The following EP400 variants were observed in gnomAD, a reference collection of about 807,000 sequenced individuals.
EP400 encodes the protein E1A binding protein p400.
EP400 carries 105 observed loss-of-function variants against 354.1 expected under a neutral mutation model. The observed-to-expected ratio is 0.30, with a 90% CI of 0.25 to 0.35. The LOEUF (loss-of-function observed/expected upper bound fraction) is 0.35, where lower values mean the gene tolerates loss of function less well. EP400 is among the 10% of genes least tolerant of loss of function. The probability of loss-of-function intolerance (pLI) is 1.00; values close to 1 mark genes in which losing one functional copy is unlikely to be tolerated. For missense variants in EP400, 3,280 were observed against 4,121.0 expected (o/e 0.80, Z 5.59); for synonymous variants, 1,646 against 1,716.9 (o/e 0.96, Z 1.02).
intron 10 of EP400, 141 bp from the exon 11 acceptor site, chr12:131,992,032 C>G: frequency 3.7e-6 from 3 of 817,390 alleles, no homozygotes; most frequent in Non-Finnish European, 6.2e-6. Context: ...CTGCCCTGCC[C>G]CGACCCCAAA....
At chr12:132,044,118 C>G (rs1172178964) in intron 34 of EP400, 59 bp from the exon 35 acceptor site, 2 of 1,594,410 alleles carry the variant, frequency 1.3e-6, no homozygotes, top group Non-Finnish European at 1.7e-6. Flanking sequence ...AGCAGGGACT[C>G]GGGGGCTGCT....
Position 132,013,441 on chromosome 12 carries a change from C to A in EP400, c.3612-49C>A, listed in dbSNP as rs1269035813. 6.6e-7 allele frequency: 1 copy of A among 1,517,654 alleles called. No individual in the cohort carries two copies. The allele number at this position is 1,517,654 out of a possible 1,614,324, so 94.0% of individuals were successfully genotyped here. A position where few individuals can be genotyped will look rare whatever the true frequency, so the allele number is the denominator to read the frequency against. On this transcript the variant is annotated intron_variant, in intron 17 of 52. Transcript: ENST00000389561. The surrounding 1 kb of genome is among the most constrained non-coding windows in gnomAD (Gnocchi z 4.5). Reference sequence around the variant, plus strand: ...TTGTCAGAGAAGATGCTGCTGCAGCCAGCCCCGTGGCTGTAGAACTCCAGT... The same window carrying A: ...TTGTCAGAGAAGATGCTGCTGCAGCAAGCCCCGTGGCTGTAGAACTCCAGT...
chr12:131,983,470 G>A (rs748803752), intron 5 of EP400, among the ~76,000 whole-genome samples: 6 of 152,176 alleles, frequency 3.9e-5, no homozygotes, highest in African/African-American at 1.2e-4. Flanking sequence ...AACTGGTTTC[G>A]GTTCCTAAGG....
chr12:131,987,648 T>G, intron 6 of EP400, 57 bp from the exon 7 acceptor site: 1 of 1,461,902 alleles, frequency 6.8e-7, no homozygotes, highest in Non-Finnish European at 9.2e-7. Context: ...GGGGTCTGAG[T>G]TGGTGGAACA....
chr12:132,006,416 G>A, intron 14 of EP400, 114 bp downstream of exon 14: 1 of 1,287,220 alleles, frequency 7.8e-7, no homozygotes, highest in East Asian at 2.5e-5. Flanking sequence ...CAACTGCAGA[G>A]TTGTCAGAAA....
chr12:132,040,298 A>ACGGC (rs1178062702), intron 32 of EP400, among the ~76,000 whole-genome samples: 2 of 151,926 alleles, frequency 1.3e-5, no homozygotes, highest in Admixed American at 6.6e-5. Context: ...ACCATGGGAG[A>ACGGC]CGGCAGGGAG....
At position 131,981,615 on chromosome 12, in the gene EP400, G is replaced by A. The variant is rs1246001092; in HGVS notation, c.1543+19G>A. ...GCACAAGGTAAGGCCCAGCAGCAGA[G>A]CCAGCTCCCCGCTCAGGAGCAGGCA... On this transcript the variant is annotated intron_variant, in intron 4 of 52. Transcript: ENST00000389561. The A allele has an allele frequency of 1.3e-6, 2 of 1,579,324 alleles. No individual in the cohort carries two copies. The highest frequency in any genetic ancestry group is 1.7e-6 in the Non-Finnish European group (2 of 1,161,278).
chr12:132,024,064 G>A (rs916332253), intron 24 of EP400, 123 bp downstream of exon 24: 1 of 1,103,330 alleles, frequency 9.1e-7, no homozygotes, highest in Non-Finnish European at 1.2e-6. Context: ...GTCCGATGAT[G>A]CATCTCACCT....
intron 30 of EP400, among the ~76,000 whole-genome samples, chr12:132,035,340 G>A (rs962817449): frequency 6.6e-6 from 1 of 152,240 alleles, no homozygotes; most frequent in Non-Finnish European, 1.5e-5. Context: ...GCACAAAGCA[G>A]TCACTGGGGC....
intron 51 of EP400, among the ~76,000 whole-genome samples, chr12:132,074,310 G>T (rs147384123): frequency 1.3e-5 from 2 of 152,126 alleles, no homozygotes; most frequent in Non-Finnish European, 2.9e-5. Flanking sequence ...TCTGTCCAGC[G>T]TTTCTCTCTT....
chr12:131,997,766 G>C (rs1157830694), intron 12 of EP400, among the ~76,000 whole-genome samples: 1 of 152,088 alleles, frequency 6.6e-6, no homozygotes, highest in East Asian at 1.9e-4. Context: ...GGAAGGGGTT[G>C]GTCCTGCTGT....
chr12:132,011,395 G>T, intron 15 of EP400, 103 bp from the exon 16 acceptor site: 1 of 1,420,860 alleles, frequency 7.0e-7, no homozygotes, highest in South Asian at 1.4e-5. Context: ...TGGCTCATGT[G>T]ACACATACTC....
chr12:132,057,585 C>G (rs1895555051), intron 45 of EP400, among the ~76,000 whole-genome samples: 1 of 152,212 alleles, frequency 6.6e-6, no homozygotes, highest in African/African-American at 2.4e-5. Context: ...ATATATTGTA[C>G]TCTGTAAATT....
At chr12:132,003,361 G>C (rs911786336) in intron 12 of EP400, among the ~76,000 whole-genome samples, 4 of 152,102 alleles carry the variant, frequency 2.6e-5, no homozygotes, top group African/African-American at 9.7e-5. Flanking sequence ...AAATATATGA[G>C]AGGATGTGTA....
At chr12:132,045,591 C>A in intron 38 of EP400, 31 bp downstream of exon 38, 1 of 1,610,318 alleles carries the variant, frequency 6.2e-7, no homozygotes, top group South Asian at 1.1e-5. Context: ...TGCCAGCGGT[C>A]ATGTGCGGTC....
Position 132,067,221 on chromosome 12 carries a change from A to G in EP400, c.8750-141A>G. ...TGTGAACCCAGAAACATTTTAATGT[A>G]GTTAAGGGATGGCTTACTTGTCTCC... On this transcript the variant is annotated intron_variant, in intron 49 of 52. Transcript: ENST00000389561. The surrounding 1 kb of genome is among the most constrained non-coding windows in gnomAD (Gnocchi z 5.3). 1.6e-6 allele frequency: 2 copies of G among 1,288,570 alleles called. No individual in the cohort carries two copies. The highest frequency in any genetic ancestry group is 2.1e-6 in the Non-Finnish European group (2 of 934,484). The allele number at this position is 1,288,570 out of a possible 1,614,324, so 79.8% of individuals were successfully genotyped here.
At chr12:132,016,879 C>T (rs965958370) in intron 19 of EP400, among the ~76,000 whole-genome samples, 1 of 152,202 alleles carries the variant, frequency 6.6e-6, no homozygotes, top group African/African-American at 2.4e-5. Context: ...TCTCTCCTCC[C>T]TCCTCTTCCC....
At chr12:131,989,913 TCCAGCATGA>T in intron 7 of EP400, 42 bp from the exon 8 acceptor site, 1 of 1,585,898 alleles carries the variant, frequency 6.3e-7, no homozygotes, top group Middle Eastern at 1.7e-4. Context: ...TCCTTTTTTT[TCCAGCATGA>T]CATAGAGTAC....
At chr12:132,040,554 T>TA (rs1270469873) in intron 32 of EP400, among the ~76,000 whole-genome samples, 1 of 152,228 alleles carries the variant, frequency 6.6e-6, no homozygotes, top group African/African-American at 2.4e-5. Flanking sequence ...TTTTGAAACA[T>TA]ACTTGTTGAT....
Sources: gnomAD v4.1 joint callset for allele counts (sites outside exome capture counted in the v4.1 genomes callset) on GRCh38, gnomAD v4.1.1 for gene constraint, Gnocchi (gnomAD v3.1) non-coding constraint, MANE v1.5 for transcripts, NCBI Gene and HGNC (gene_info 2026-07-23, HGNC 2026-07-21) for gene names.